Variants in MAGI2 observed in about 807,000 individuals in gnomAD.
The protein encoded by MAGI2 is membrane associated guanylate kinase, WW and PDZ domain containing 2.
Under a neutral mutation model 133.3 loss-of-function variants are expected in MAGI2, and 35 were observed. The ratio of observed to expected loss-of-function variants is 0.26; its 90% confidence interval spans 0.20 to 0.35. The LOEUF (loss-of-function observed/expected upper bound fraction) is 0.35. Ranked by LOEUF, MAGI2 falls within the 10% of genes least tolerant of loss-of-function variation. MAGI2 has a pLI of 1.00. For synonymous variants in MAGI2, 729 were observed against 710.6 expected, an observed-to-expected ratio of 1.03 and a Z score of -0.41; for missense variants, 1,636 against 1,863.4, an observed-to-expected ratio of 0.88 and a Z score of 2.25.
chr7:79,398,179 G>A (rs1033488913), intron 1 of MAGI2, among the ~76,000 whole-genome samples: 3 of 152,138 alleles, frequency 2.0e-5, no homozygotes, highest in Non-Finnish European at 4.4e-5. Context: ...GAGACATAGT[G>A]ACCAGCACAA....
chr7:78,852,772 G>A (rs1563580438), intron 2 of MAGI2, among the ~76,000 whole-genome samples: 1 of 152,192 alleles, frequency 6.6e-6, no homozygotes, highest in South Asian at 2.1e-4. Flanking sequence ...AAAGAGTAGA[G>A]AGCTCAATGG....
At chr7:79,297,520 C>A (rs1323713505) in intron 1 of MAGI2, among the ~76,000 whole-genome samples, 1 of 152,106 alleles carries the variant, frequency 6.6e-6, no homozygotes, top group African/African-American at 2.4e-5. Flanking sequence ...AGATACTATT[C>A]ATTCATTTTA....
At chr7:78,602,632 A>C (rs1469167463) in intron 3 of MAGI2, among the ~76,000 whole-genome samples, 1 of 152,180 alleles carries the variant, frequency 6.6e-6, no homozygotes, top group African/African-American at 2.4e-5. Context: ...AGAATAAAAC[A>C]AATGAAAGGA....
chr7:78,318,023 C>A (rs981980171), intron 9 of MAGI2, among the ~76,000 whole-genome samples: 2 of 152,130 alleles, frequency 1.3e-5, no homozygotes, highest in Non-Finnish European at 2.9e-5. Flanking sequence ...GAGAAACCAG[C>A]GCAAAAAGGC....
Position 79,264,859 on chromosome 7 carries a change from C to CAGAGAGAG in MAGI2, c.301+188153_301+188160dup, listed in dbSNP as rs150944484. ...GGCAAGAGAGGAAACGAGAGAGACA[C>CAGAGAGAG]AGAGAGAGAGAGAGAGAGAGAGCGC... On this transcript the variant is annotated intron_variant, in intron 1 of 21. Transcript: ENST00000354212. 4.8e-5 allele frequency among the ~76,000 whole-genome samples: 7 copies of CAGAGAGAG among 145,962 alleles called. No homozygotes were observed. In the South Asian group the frequency reaches 1.5e-3, roughly 32 times the overall value.
intron 1 of MAGI2, among the ~76,000 whole-genome samples, chr7:79,417,069 A>C (rs1846585180): frequency 6.6e-6 from 1 of 151,940 alleles, no homozygotes; most frequent in African/African-American, 2.4e-5. Context: ...AATGTTCTAT[A>C]ATAAAAAAGT....
At chr7:78,497,758 ATCTATCTT>A (rs1184677054) in intron 5 of MAGI2, among the ~76,000 whole-genome samples, 1,903 of 113,806 alleles carry the variant, frequency 0.017, 59 homozygotes, top group African/African-American at 0.054. Context: ...CTATCTATCT[ATCTATCTT>A]TCTATCTTAT....
intron 1 of MAGI2, among the ~76,000 whole-genome samples, chr7:79,034,070 T>G (rs1020339428): frequency 6.6e-6 from 1 of 152,188 alleles, no homozygotes; most frequent in African/African-American, 2.4e-5. Flanking sequence ...CCTAGTTCCT[T>G]GCTAGCTTTA....
At chr7:78,649,333 A>G (rs1352746072) in intron 2 of MAGI2, among the ~76,000 whole-genome samples, 2 of 151,504 alleles carry the variant, frequency 1.3e-5, no homozygotes, top group Admixed American at 6.6e-5. Context: ...GAAAATGAGT[A>G]TTTACATGTT....
At chr7:78,285,976 T>A (rs1270595762) in intron 9 of MAGI2, among the ~76,000 whole-genome samples, 1 of 152,160 alleles carries the variant, frequency 6.6e-6, no homozygotes, top group African/African-American at 2.4e-5. Context: ...ATTTTAAAGA[T>A]CCCTAAATAA....
At chr7:78,239,957 G>T (rs1333856498) in intron 10 of MAGI2, among the ~76,000 whole-genome samples, 2 of 151,274 alleles carry the variant, frequency 1.3e-5, no homozygotes, top group Non-Finnish European at 2.9e-5. Flanking sequence ...GCACTCCCAT[G>T]TTTATTTTTT....
chr7:78,402,377 GGTGTGT>G (rs756042467), intron 6 of MAGI2, among the ~76,000 whole-genome samples: 1 of 149,322 alleles, frequency 6.7e-6, no homozygotes, highest in South Asian at 2.1e-4. Flanking sequence ...ATCCACCTGG[GGTGTGT>G]GTGTGTGTGT....
At chr7:79,087,307 T>C (rs895125399) in intron 1 of MAGI2, among the ~76,000 whole-genome samples, 7 of 151,926 alleles carry the variant, frequency 4.6e-5, no homozygotes, top group African/African-American at 1.7e-4. Flanking sequence ...GCTTTCCTTC[T>C]GTCTGCATAG....
intron 2 of MAGI2, among the ~76,000 whole-genome samples, chr7:78,756,281 A>T (rs1823935367): frequency 6.6e-6 from 1 of 152,188 alleles, no homozygotes; most frequent in Non-Finnish European, 1.5e-5. Flanking sequence ...ATTATTCCCC[A>T]CTGTAATTAC....
At chr7:78,985,338 A>G (rs565025518) in intron 2 of MAGI2, among the ~76,000 whole-genome samples, 117 of 152,194 alleles carry the variant, frequency 7.7e-4, no homozygotes, top group African/African-American at 1.9e-3. Context: ...TAGAAGTATC[A>G]AATGCTTTGA....
chr7:78,782,114 A>G (rs1224739976), intron 2 of MAGI2, among the ~76,000 whole-genome samples: 2 of 152,208 alleles, frequency 1.3e-5, no homozygotes, highest in African/African-American at 4.8e-5. Flanking sequence ...GAGGTGAAAA[A>G]GTAGCACAAA....
intron 21 of MAGI2, among the ~76,000 whole-genome samples, chr7:78,070,216 TATACACAC>T (rs1478423454): frequency 0.019 from 997 of 51,706 alleles, 1 homozygote; most frequent in Non-Finnish European, 0.035. Flanking sequence ...TATATATATA[TATACACAC>T]ACACACACAG....
At chr7:79,340,757 C>T (rs748404999) in intron 1 of MAGI2, among the ~76,000 whole-genome samples, 1 of 151,982 alleles carries the variant, frequency 6.6e-6, no homozygotes. Context: ...TATGTGTGAA[C>T]GTGTGTATAT....
intron 10 of MAGI2, among the ~76,000 whole-genome samples, chr7:78,210,603 A>T (rs750257696): frequency 6.6e-6 from 1 of 152,194 alleles, no homozygotes; most frequent in Non-Finnish European, 1.5e-5. Context: ...GTTTGAGTTT[A>T]GGTGTTTAAG....
Sources: allele counts gnomAD v4.1 joint callset (sites outside exome capture counted in the v4.1 genomes callset), GRCh38; gene constraint gnomAD v4.1.1; transcripts MANE v1.5; gene names NCBI Gene and HGNC (gene_info 2026-07-23, HGNC 2026-07-21).